Variants in CYRIB observed in about 807,000 individuals in gnomAD.
CYRIB encodes the protein CYFIP-related Rac1 interactor B.
CYRIB carries 8 observed loss-of-function variants against 44.2 expected under a neutral mutation model. The observed-to-expected ratio is 0.18, with a 90% confidence interval of 0.11 to 0.33. The LOEUF (loss-of-function observed/expected upper bound fraction) is 0.33, where lower values mean the gene tolerates loss of function less well. CYRIB is among the 10% of genes least tolerant of loss of function. The pLI is 1.00. For synonymous variants in CYRIB, 131 were observed against 127.2 expected, an observed-to-expected ratio of 1.03 and a Z score of -0.20; for missense variants, 185 against 382.8, an observed-to-expected ratio of 0.48 and a Z score of 4.31.
At chr8:129,969,828 C>T (rs773487155) in intron 2 of CYRIB, among the ~76,000 whole-genome samples, 5 of 152,322 alleles carry the variant, frequency 3.3e-5, no homozygotes, top group South Asian at 2.1e-4. Context: ...GACCAACAGA[C>T]GGAATAGCAG....
At chr8:129,950,387 T>C (rs996335542) in intron 2 of CYRIB, among the ~76,000 whole-genome samples, 12 of 152,186 alleles carry the variant, frequency 7.9e-5, no homozygotes, top group South Asian at 2.1e-4. Flanking sequence ...CTGGCCAGCA[T>C]GGCAAAAGCC....
exon 6 of CYRIB, chr8:129,855,614 G>A (rs1355400412): frequency 2.5e-6 from 4 of 1,613,872 alleles, no homozygotes; most frequent in Non-Finnish European, 3.4e-6. Flanking sequence ...ATTCTACCTT[G>A]AGTTCATCAA....
At chr8:129,849,406 T>G in intron 9 of CYRIB, 37 bp from the exon 12 acceptor site, 2 of 1,566,398 alleles carry the variant, frequency 1.3e-6, no homozygotes, top group Non-Finnish European at 1.7e-6. Flanking sequence ...AAGAAGTGCA[T>G]TACAAAATTC....
Position 129,877,663 on chromosome 8 carries a change from G to GTGTGTGTGT in CYRIB, c.73+1725_73+1726insACACACACA, listed in dbSNP as rs3222125. ...GACCTCATATCAAAAAAAAAAAAAA[G>GTGTGTGTGT]GTGTGTGTGTGTGTGTGTGTGTGTG... On this transcript the variant is annotated intron_variant, in intron 3 of 11. Coordinates refer to ENST00000519824, the Ensembl canonical transcript of CYRIB. Among the ~76,000 whole-genome samples, 1,209 of 130,484 alleles carry GTGTGTGTGT rather than the reference G, an allele frequency of 9.3e-3. 25 individuals carry two copies. Among genetic ancestry groups the GTGTGTGTGT allele is most frequent in the African/African-American group, 0.034 (1,045 of 30,502 alleles). The allele number at this position is 130,484 out of a possible 152,430, so 85.6% of individuals were successfully genotyped here. A position where few individuals can be genotyped will look rare whatever the true frequency, so the allele number is the denominator to read the frequency against.
At chr8:130,006,594 T>TTATATATATATATATATATATATATA in intron 1 of CYRIB, among the ~76,000 whole-genome samples, 2 of 15,322 alleles carry the variant, frequency 1.3e-4, no homozygotes, top group Non-Finnish European at 2.1e-4. Flanking sequence ...AAAACACAAA[T>TTATATATATATATATATATATATATA]TATATATATA....
chr8:129,978,789 G>A (rs1338171887), intron 1 of CYRIB, among the ~76,000 whole-genome samples: 1 of 152,160 alleles, frequency 6.6e-6, no homozygotes. Context: ...AGCTAAGTGC[G>A]TGTACACACA....
intron 1 of CYRIB, among the ~76,000 whole-genome samples, chr8:129,988,905 G>C (rs1012981339): frequency 2.6e-5 from 4 of 152,002 alleles, no homozygotes; most frequent in Non-Finnish European, 5.9e-5. Context: ...GCTTATCATT[G>C]CAACGTTGGG....
intron 1 of CYRIB, among the ~76,000 whole-genome samples, chr8:129,972,550 G>T (rs1042814814): frequency 2.0e-5 from 3 of 152,034 alleles, no homozygotes; most frequent in Non-Finnish European, 4.4e-5. Flanking sequence ...GCTCCAGCCT[G>T]GGTGACAGAG....
At chr8:130,001,525 C>CTTTTTTT (rs1325066581) in intron 1 of CYRIB, among the ~76,000 whole-genome samples, 7 of 120,344 alleles carry the variant, frequency 5.8e-5, no homozygotes, top group African/African-American at 9.5e-5. Flanking sequence ...AAAATAATTT[C>CTTTTTTT]TTTTTTTTTT....
At chr8:129,930,362 T>G in intron 1 of CYRIB, among the ~76,000 whole-genome samples, 1 of 115,282 alleles carries the variant, frequency 8.7e-6, no homozygotes, top group Non-Finnish European at 1.8e-5. Context: ...AATTGTGAAG[T>G]GCTTATATAT....
chr8:129,992,151 T>C (rs1441037598), intron 1 of CYRIB, among the ~76,000 whole-genome samples: 1 of 151,400 alleles, frequency 6.6e-6, no homozygotes, highest in African/African-American at 2.4e-5. Flanking sequence ...CGAGACTCTG[T>C]ATCTACAAAT....
At position 129,936,856 on chromosome 8, in the gene CYRIB, A is replaced by G. The variant is rs376340443; in HGVS notation, c.-50+2752T>C. Among the ~76,000 whole-genome samples, 303 of 151,934 alleles carry G rather than the reference A, an allele frequency of 2.0e-3. 1 individual carries two copies. The highest frequency in any genetic ancestry group is 0.01 in the South Asian group (48 of 4,798). On this transcript the variant is annotated intron_variant, in intron 1 of 11. Transcript: ENST00000519824. ...TGAGTAGCTGGGACTACAGGCGCCC[A>G]CCACCACGCCCGGCTAATTTTTTTG...
chr8:129,858,097 T>C (rs1341887407), intron 5 of CYRIB, among the ~76,000 whole-genome samples: 8 of 152,236 alleles, frequency 5.3e-5, no homozygotes, highest in African/African-American at 1.9e-4. Flanking sequence ...TAGATCAGCC[T>C]CACCCTGCAG....
At chr8:129,884,515 C>G (rs2061985664) in intron 2 of CYRIB, among the ~76,000 whole-genome samples, 1 of 152,082 alleles carries the variant, frequency 6.6e-6, no homozygotes, top group Admixed American at 6.6e-5. Context: ...CTCAAACTCC[C>G]AACCGCAGGT....
chr8:129,918,097 C>T (rs1419832557), intron 1 of CYRIB, among the ~76,000 whole-genome samples: 2 of 152,134 alleles, frequency 1.3e-5, no homozygotes, highest in East Asian at 3.9e-4. Context: ...CCACAATTAT[C>T]CATGGACCAC....
intron 2 of CYRIB, among the ~76,000 whole-genome samples, chr8:129,944,984 G>C (rs1287830750): frequency 6.6e-6 from 1 of 152,100 alleles, no homozygotes; most frequent in African/African-American, 2.4e-5. Flanking sequence ...TACATGGCTG[G>C]TTTACCCTCT....
chr8:129,973,372 A>G (rs2095791872), intron 1 of CYRIB, among the ~76,000 whole-genome samples: 1 of 152,260 alleles, frequency 6.6e-6, no homozygotes. Context: ...TGGTCCATTC[A>G]GTTAAGCACA....
upstream of CYRIB, among the ~76,000 whole-genome samples, chr8:129,941,349 C>T (rs188227621): frequency 6.7e-6 from 1 of 148,786 alleles, no homozygotes; most frequent in East Asian, 2.0e-4. Context: ...TATCGGCTCA[C>T]TGCAACTTCC....
At chr8:129,967,612 C>T (rs1471841268) in intron 2 of CYRIB, among the ~76,000 whole-genome samples, 2 of 152,150 alleles carry the variant, frequency 1.3e-5, no homozygotes, top group East Asian at 3.9e-4. Context: ...ATCTCCTGAC[C>T]TCATGATCCG....
Sources: gnomAD v4.1 joint callset for allele counts (sites outside exome capture counted in the v4.1 genomes callset) on GRCh38, gnomAD v4.1.1 for gene constraint, MANE v1.5 for transcripts, NCBI Gene and HGNC (gene_info 2026-07-23, HGNC 2026-07-21) for gene names.